Variants in CUL9 observed in about 807,000 individuals in gnomAD.
The protein encoded by CUL9 is cullin-9.
CUL9 carries 79 observed loss-of-function variants against 272.6 expected under a neutral mutation model. The observed-to-expected ratio is 0.29, with a 90% CI of 0.24 to 0.35. The LOEUF is 0.35. CUL9 is among the 10% of genes least tolerant of loss of function. The probability of loss-of-function intolerance (pLI) is 1.00; values close to 1 mark genes in which losing one functional copy is unlikely to be tolerated. For synonymous variants in CUL9, 1,186 were observed against 1,286.5 expected (o/e 0.92, Z 1.67); for missense variants, 2,532 against 3,255.6 (o/e 0.78, Z 5.41).
Position 43,221,400 on chromosome 6 carries a change from T to G in CUL9, c.6752+79T>G. ...TGGCAGAAGGAGGGGGGAACGGGCT[T>G]AGTGTAAAGCTCAGCAAAAGAGGGT... On this transcript the variant is annotated intron_variant, in intron 34 of 40. Transcript: ENST00000252050. This position sits in a 1 kb window ranked among gnomAD's most constrained non-coding sequence, Gnocchi z 4.2. 1 of 1,462,492 alleles carries G rather than the reference T, an allele frequency of 6.8e-7. No homozygotes were observed. Among genetic ancestry groups the G allele is most frequent in the Non-Finnish European group, 9.2e-7 (1 of 1,090,926 alleles). The allele number at this position is 1,462,492 out of a possible 1,614,324, so 90.6% of individuals were successfully genotyped here.
chr6:43,201,510 C>A (rs375297145), intron 16 of CUL9, among the ~76,000 whole-genome samples: 1 of 152,130 alleles, frequency 6.6e-6, no homozygotes, highest in Non-Finnish European at 1.5e-5. Context: ...GATGGAGTCT[C>A]GCTCTGCCGC....
In CUL9 at chr6:43,213,343, C is replaced by A. The variant is rs202038134; in HGVS notation, c.5358+49C>A. On this transcript the variant is annotated intron_variant, in intron 27 of 40. Transcript: ENST00000252050. This position sits in a 1 kb window ranked among gnomAD's most constrained non-coding sequence, Gnocchi z 5.7. ...CTGCCTTCTCTGCTACCTTATCTGT[C>A]GCTGTTCTCCTCCTAAACCCTGTTC... 1 of 1,611,258 alleles carries A rather than the reference C, an allele frequency of 6.2e-7. No homozygotes were observed. Among genetic ancestry groups the A allele is most frequent in the South Asian group, 1.1e-5 (1 of 90,774 alleles).
Position 43,203,985 on chromosome 6 carries a change from C to T in CUL9, c.4157C>T (p.Pro1386Leu). The change falls in exon 20 of 41, where the codon CCC becomes CTC. Residue 1386 changes from proline (P) to leucine (L), a missense_variant and splice_region_variant. This residue lies in a region of CUL9 where 2,218 missense variants were observed against 2,788.6 expected (regional missense o/e 0.80). Coordinates refer to ENST00000252050, the MANE Select transcript of CUL9 (RefSeq NM_015089.4). The surrounding 1 kb of genome is among the most constrained non-coding windows in gnomAD (Gnocchi z 5.0). ...VSPLVQNITS[P>L]DAEGVSALGW... ...CCCCTGGTGCAGAACATCACCTCTCCCGGTAACCATGCTGACACCTGGCCC... is the reference window on the plus strand; with the variant it reads ...CCCCTGGTGCAGAACATCACCTCTCTCGGTAACCATGCTGACACCTGGCCC... 6.3e-7 allele frequency: 1 copy of T among 1,595,448 alleles called. No individual in the cohort carries two copies. The highest frequency in any genetic ancestry group is 8.6e-7 in the Non-Finnish European group (1 of 1,167,560).
chr6:43,194,637 A>T (rs1348493472), intron 9 of CUL9, among the ~76,000 whole-genome samples: 2 of 151,656 alleles, frequency 1.3e-5, no homozygotes, highest in Admixed American at 1.3e-4. Context: ...GCTTTTCTTT[A>T]TGGGACCAAG....
intron 8 of CUL9, among the ~76,000 whole-genome samples, chr6:43,189,621 G>A (rs758356151): frequency 1.3e-5 from 2 of 152,076 alleles, no homozygotes; most frequent in Non-Finnish European, 2.9e-5. Context: ...TTGGCTCACT[G>A]CAACCTCCGC....
In CUL9 at chr6:43,200,295, C is replaced by T; in HGVS notation, c.3384+139C>T. On this transcript the variant is annotated intron_variant, in intron 14 of 40. Coordinates refer to ENST00000252050, the MANE Select transcript of CUL9 (RefSeq NM_015089.4). This position sits in a 1 kb window ranked among gnomAD's most constrained non-coding sequence, Gnocchi z 4.0. Reference sequence around the variant, plus strand: ...GGGCACTTGTTTCCTAACCTTGACTCCACATGGTTCTGTCAAAATGTGGGG... The same window carrying T: ...GGGCACTTGTTTCCTAACCTTGACTTCACATGGTTCTGTCAAAATGTGGGG... 6.7e-7 allele frequency: 1 copy of T among 1,491,536 alleles called. No homozygotes were observed. Among genetic ancestry groups the T allele is most frequent in the Non-Finnish European group, 9.2e-7 (1 of 1,088,588 alleles). 92.4% of individuals were successfully genotyped at this position (1,491,536 alleles called of 1,614,324 possible).
In CUL9 at chr6:43,213,510, C is replaced by T. The variant is rs1775695008; in HGVS notation, c.5431C>T (p.Leu1811Phe). 4 of 1,613,680 alleles carry T rather than the reference C, an allele frequency of 2.5e-6. No individual in the cohort carries two copies. The highest frequency in any genetic ancestry group is 3.4e-6 in the Non-Finnish European group (4 of 1,179,928). Residue 1811 changes from leucine to phenylalanine, a missense_variant, in exon 28 of 41, where the codon CTC becomes TTC. Leu to Phe is a conservative substitution (Grantham distance 22, BLOSUM62 0). Around this residue, in one of 3 missense-constraint regions of CUL9, gnomAD observed 2,218 missense variants for 2,788.6 expected, o/e 0.80. Transcript: ENST00000252050. The surrounding 1 kb of genome is among the most constrained non-coding windows in gnomAD (Gnocchi z 5.7). ...PELLLQALVPLTSGNGPLTLH... is the reference protein window; with the variant it reads ...PELLLQALVPFTSGNGPLTLH... ...GCTGCTGCTCCAGGCACTCGTGCCCCTCACCTCAGGGAATGGCCCTTTGAC... is the reference window on the plus strand; with the variant it reads ...GCTGCTGCTCCAGGCACTCGTGCCCTTCACCTCAGGGAATGGCCCTTTGAC...
At position 43,193,056 on chromosome 6, in the gene CUL9, A is replaced by G. The variant is rs748841560; in HGVS notation, c.2236A>G (p.Met746Val). The change falls in exon 9 of 41, where the codon ATG becomes GTG. Residue 746 changes from methionine to valine, a missense_variant. Physicochemically the swap from Met to Val is conservative, Grantham distance 21. Transcript: ENST00000252050. ...ELLTNQVGEK[M>V]VVVQALRLLY... ...GCTGACCAACCAGGTGGGAGAGAAG[A>G]TGGTGGTCGTGCAGGCCCTGCGCCT... 4.3e-6 allele frequency: 7 copies of G among 1,614,198 alleles called. No individual in the cohort carries two copies. Among genetic ancestry groups the G allele is most frequent in the Non-Finnish European group, 5.9e-6 (7 of 1,180,016 alleles).
intron 10 of CUL9, 170 bp from the exon 11 acceptor site, chr6:43,196,475 C>A: frequency 1.3e-6 from 1 of 788,722 alleles, no homozygotes; most frequent in Admixed American, 2.2e-5. Flanking sequence ...CACTGACTTC[C>A]CTTTATGGGT....
chr6:43,186,082 A>G lies in CUL9; in HGVS notation c.878A>G (p.Lys293Arg), dbSNP rs958686935. 6.2e-7 allele frequency: 1 copy of G among 1,614,120 alleles called. No individual in the cohort carries two copies. Among genetic ancestry groups the G allele is most frequent in the Admixed American group, 1.7e-5 (1 of 60,006 alleles). Residue 293 changes from lysine to arginine, a missense_variant, in exon 4 of 41, where the codon AAA becomes AGA. By Grantham distance (26) the Lys-to-Arg change is conservative. This residue lies in a region of CUL9 where 2,218 missense variants were observed against 2,788.6 expected (regional missense o/e 0.80). Transcript: ENST00000252050. Reference sequence around the variant, plus strand: ...AGCTCCCCATGTGCCACAAGAGAGAAAAGCCGGGGACAGCGGGAACTGGAG... The same window carrying G: ...AGCTCCCCATGTGCCACAAGAGAGAGAAGCCGGGGACAGCGGGAACTGGAG... ...DQSSPCATRE[K>R]SRGQRELEFS... is the part of the protein sequence containing the mutation.
At position 43,222,654 on chromosome 6, in the gene CUL9, G is replaced by C; in HGVS notation, c.7032+13G>C. ...GCAGGCTCGGAAGGTGGTAGCGGGT[G>C]GGGGAAGAGAGCAGGGGAGGGGTGT... is the stretch of plus-strand genomic sequence containing the variant. On this transcript the variant is annotated intron_variant, in intron 37 of 40. Transcript: ENST00000252050. 1 of 1,611,124 alleles carries C rather than the reference G, an allele frequency of 6.2e-7. No individual in the cohort carries two copies. The highest frequency in any genetic ancestry group is 8.5e-7 in the Non-Finnish European group (1 of 1,179,808).
At chr6:43,195,786 C>T (rs912802657) in intron 9 of CUL9, among the ~76,000 whole-genome samples, 3 of 152,112 alleles carry the variant, frequency 2.0e-5, no homozygotes. Flanking sequence ...CTTGGTGCTG[C>T]GAGCCTGGAG....
chr6:43,203,605 T>C lies in CUL9; in HGVS notation c.4025+13T>C, dbSNP rs1189775438. On this transcript the variant is annotated intron_variant, in intron 19 of 40. Transcript: ENST00000252050. This position sits in a 1 kb window ranked among gnomAD's most constrained non-coding sequence, Gnocchi z 5.0. ...AGCTCTGTCCCAGGTGGGTGGGGCCTGAGGAGGGAAGATGGGTAAGGGAAC... is the reference window on the plus strand; with the variant it reads ...AGCTCTGTCCCAGGTGGGTGGGGCCCGAGGAGGGAAGATGGGTAAGGGAAC... 8 of 1,610,230 alleles carry C rather than the reference T, an allele frequency of 5.0e-6. No individual in the cohort carries two copies. The highest frequency in any genetic ancestry group is 6.8e-6 in the Non-Finnish European group (8 of 1,178,650).
At chr6:43,187,518 G>T in intron 6 of CUL9, 79 bp downstream of exon 6, 1 of 1,475,494 alleles carries the variant, frequency 6.8e-7, no homozygotes. Context: ...TCAGATAGGG[G>T]TTACCGCTTA....
In CUL9 at chr6:43,222,371, C is replaced by T; in HGVS notation, c.6902C>T (p.Thr2301Ile). The change falls in exon 36 of 41, where the codon ACT becomes ATT. Residue 2301 changes from threonine (T) to isoleucine (I), a missense_variant. Transcript: ENST00000252050. ...KRFQDYNERC[T>I]FHHQAREFAV... ...TTTCAGGACTATAATGAGAGGTGCA[C>T]TTTCCATCACCAGGCGCGGGTGAGT... 6.2e-7 allele frequency: 1 copy of T among 1,608,436 alleles called. No individual in the cohort carries two copies. The highest frequency in any genetic ancestry group is 8.5e-7 in the Non-Finnish European group (1 of 1,177,920).
chr6:43,199,724 C>T lies in CUL9; in HGVS notation c.3157-205C>T, dbSNP rs1265287712. 1.3e-5 allele frequency among the ~76,000 whole-genome samples: 2 copies of T among 152,304 alleles called. No homozygotes were observed. The highest frequency in any genetic ancestry group is 2.9e-5 in the Non-Finnish European group (2 of 68,032). On this transcript the variant is annotated intron_variant, in intron 13 of 40. Coordinates refer to ENST00000252050, the MANE Select transcript of CUL9 (RefSeq NM_015089.4). This position sits in a 1 kb window ranked among gnomAD's most constrained non-coding sequence, Gnocchi z 4.4. ...GCAGGAAGCAGCCTGGAAAGCTGTG[C>T]CCAAGCTCTGTTCTGCCAACTCACT... is the stretch of plus-strand genomic sequence containing the variant.
chr6:43,223,797 G>C lies in CUL9; in HGVS notation c.7285-298G>C. On this transcript the variant is annotated intron_variant, in intron 39 of 40. Transcript: ENST00000252050. This position sits in a 1 kb window ranked among gnomAD's most constrained non-coding sequence, Gnocchi z 4.1. ...TCCAGCTCTAATGCACTGATGCTGA[G>C]TCTAAACTGTGAGTCCTGTCCTCAG... The C allele has an allele frequency of 1.9e-6, 1 of 525,128 alleles. No individual in the cohort carries two copies. Among genetic ancestry groups the C allele is most frequent in the Admixed American group, 3.1e-5 (1 of 31,782 alleles). 32.5% of individuals were successfully genotyped at this position (525,128 alleles called of 1,614,324 possible). A position where few individuals can be genotyped will look rare whatever the true frequency, so the allele number is the denominator to read the frequency against.
intron 3 of CUL9, 23 bp from the exon 4 acceptor site, chr6:43,185,932 G>A (rs749105620): frequency 1.9e-6 from 3 of 1,578,448 alleles, no homozygotes; most frequent in Non-Finnish European, 2.6e-6. Flanking sequence ...AGATGAACCT[G>A]TCCCAAGGAT....
Position 43,199,935 on chromosome 6 carries a change from C to G in CUL9, c.3163C>G (p.Gln1055Glu). ...TATGTGGCTCTGGGCTCAGATTGTT[C>G]AGGAGCTGACCTGCTTCCTACATCG... ...SGPSSDSEIVQELTCFLHRLA... is the reference protein window; with the variant it reads ...SGPSSDSEIVEELTCFLHRLA... The change falls in exon 14 of 41, where the codon CAG (glutamine) becomes GAG (glutamate). Residue 1055 changes from glutamine (Q) to glutamate (E), a missense_variant. Around this residue, in one of 3 missense-constraint regions of CUL9, gnomAD observed 2,218 missense variants for 2,788.6 expected, o/e 0.80. Coordinates refer to ENST00000252050, the MANE Select transcript of CUL9 (RefSeq NM_015089.4). This position sits in a 1 kb window ranked among gnomAD's most constrained non-coding sequence, Gnocchi z 4.4. 6.2e-7 allele frequency: 1 copy of G among 1,613,550 alleles called. No individual in the cohort carries two copies. Among genetic ancestry groups the G allele is most frequent in the Non-Finnish European group, 8.5e-7 (1 of 1,179,510 alleles).
Sources: gnomAD v4.1 joint callset for allele counts (sites outside exome capture counted in the v4.1 genomes callset) on GRCh38, gnomAD v4.1.1 for gene constraint, gnomAD v4.1.1 regional missense constraint, Gnocchi (gnomAD v3.1) non-coding constraint, MANE v1.5 for transcripts, NCBI Gene and HGNC (gene_info 2026-07-23, HGNC 2026-07-21) for gene names.